The following PTPRK variants were observed in gnomAD, a reference collection of about 807,000 sequenced individuals.
The protein encoded by PTPRK is protein tyrosine phosphatase receptor type K.
PTPRK carries 75 observed loss-of-function variants against 178.0 expected under a neutral mutation model. The ratio of observed to expected loss-of-function variants is 0.42; its 90% CI spans 0.35 to 0.51. The LOEUF (loss-of-function observed/expected upper bound fraction) is 0.51, where lower values mean the gene tolerates loss of function less well. Among genes scored for constraint, PTPRK ranks in the 20% least tolerant of loss-of-function variants. The probability of loss-of-function intolerance (pLI) is 0.02; values close to 1 mark genes in which losing one functional copy is unlikely to be tolerated. For missense variants in PTPRK, 1,441 were observed against 1,797.8 expected (o/e 0.80, Z 3.59); for synonymous variants, 637 against 620.6 (o/e 1.03, Z -0.39).
At chr6:128,079,666 G>A (rs1001684495) in intron 10 of PTPRK, among the ~76,000 whole-genome samples, 8 of 151,986 alleles carry the variant, frequency 5.3e-5, no homozygotes, top group East Asian at 1.9e-4. Context: ...CTATCCATTC[G>A]TTGAACATTT....
chr6:128,084,796 A>C (rs1186750399), intron 8 of PTPRK: 1 of 152,240 alleles, frequency 6.6e-6, no homozygotes, highest in Admixed American at 6.5e-5. Context: ...TAAAATATAT[A>C]GTATCTATCC....
chr6:128,485,224 T>C (rs912017901), intron 1 of PTPRK, among the ~76,000 whole-genome samples: 3 of 152,210 alleles, frequency 2.0e-5, no homozygotes, highest in African/African-American at 7.2e-5. Flanking sequence ...TTTAGAACAG[T>C]TGGTTATATT....
intron 6 of PTPRK, among the ~76,000 whole-genome samples, chr6:128,212,226 T>C (rs541046692): frequency 2.0e-5 from 3 of 152,152 alleles, no homozygotes; most frequent in South Asian, 2.1e-4. Flanking sequence ...ACTGAGACTA[T>C]GTATGCGATT....
At chr6:128,091,743 C>A (rs1786994298) in intron 7 of PTPRK, among the ~76,000 whole-genome samples, 1 of 152,114 alleles carries the variant, frequency 6.6e-6, no homozygotes, top group African/African-American at 2.4e-5. Flanking sequence ...TTTTAACACA[C>A]CCCTCATTTT....
intron 25 of PTPRK, 73 bp from the exon 26 acceptor site, chr6:127,977,127 T>C: frequency 6.9e-7 from 1 of 1,456,682 alleles, no homozygotes; most frequent in Non-Finnish European, 9.6e-7. Context: ...ACAGATACAA[T>C]ACACTTCAAT....
At chr6:128,336,002 A>G (rs1375454028) in intron 2 of PTPRK, among the ~76,000 whole-genome samples, 2 of 152,240 alleles carry the variant, frequency 1.3e-5, no homozygotes, top group African/African-American at 4.8e-5. Flanking sequence ...CTGGTCAATT[A>G]TGAAATGCCA....
At chr6:128,078,752 G>T in intron 11 of PTPRK, 61 bp downstream of exon 11, 2 of 1,222,896 alleles carry the variant, frequency 1.6e-6, no homozygotes, top group South Asian at 1.3e-5. Flanking sequence ...GGCATACTTG[G>T]GCATCTTGGG....
intron 1 of PTPRK, among the ~76,000 whole-genome samples, chr6:128,421,068 C>A (rs1843421297): frequency 6.6e-6 from 1 of 152,106 alleles, no homozygotes; most frequent in Non-Finnish European, 1.5e-5. Context: ...CACAATCATT[C>A]TTTTCCATAT....
At chr6:128,247,528 A>C (rs188849631) in intron 3 of PTPRK, among the ~76,000 whole-genome samples, 1 of 152,284 alleles carries the variant, frequency 6.6e-6, no homozygotes, top group African/African-American at 2.4e-5. Flanking sequence ...CATGTTGGCT[A>C]GGCTGGTCTC....
At chr6:128,458,356 T>C (rs1848637391) in intron 1 of PTPRK, among the ~76,000 whole-genome samples, 1 of 152,154 alleles carries the variant, frequency 6.6e-6, no homozygotes, top group South Asian at 2.1e-4. Context: ...TATTATAAAA[T>C]AAGTTAATAA....
chr6:128,444,146 C>T (rs935965560), intron 1 of PTPRK, among the ~76,000 whole-genome samples: 8 of 152,140 alleles, frequency 5.3e-5, no homozygotes, highest in African/African-American at 9.7e-5. Context: ...CCAGCACTCC[C>T]AGCCTTCCTA....
At chr6:128,037,022 G>A (rs996270005) in intron 13 of PTPRK, among the ~76,000 whole-genome samples, 33 of 151,996 alleles carry the variant, frequency 2.2e-4, no homozygotes, top group African/African-American at 8.0e-4. Context: ...ACAAGCCGCC[G>A]CTCCCCGCCC....
intron 17 of PTPRK, 48 bp downstream of exon 17, chr6:127,996,853 T>C (rs1256867660): frequency 6.4e-7 from 1 of 1,572,492 alleles, no homozygotes; most frequent in African/African-American, 1.4e-5. Context: ...TTTAAAACCA[T>C]ATAAGCATAT....
At chr6:128,096,369 C>T (rs899100396) in intron 7 of PTPRK, among the ~76,000 whole-genome samples, 2 of 152,210 alleles carry the variant, frequency 1.3e-5, no homozygotes, top group Non-Finnish European at 2.9e-5. Context: ...TTCTAGATAA[C>T]AGATAAAAGG....
intron 7 of PTPRK, among the ~76,000 whole-genome samples, chr6:128,106,101 A>G (rs1789674592): frequency 1.3e-5 from 2 of 152,208 alleles, no homozygotes; most frequent in South Asian, 4.1e-4. Context: ...ATGAAATGAG[A>G]AAAACAAAAA....
chr6:128,010,351 C>T (rs968156805), intron 13 of PTPRK, among the ~76,000 whole-genome samples: 2 of 151,288 alleles, frequency 1.3e-5, no homozygotes, highest in Non-Finnish European at 3.0e-5. Flanking sequence ...ATGGTGTCCA[C>T]ATGAACAGAT....
At chr6:128,044,904 T>C (rs974117596) in intron 13 of PTPRK, among the ~76,000 whole-genome samples, 42 of 152,202 alleles carry the variant, frequency 2.8e-4, no homozygotes, top group African/African-American at 9.9e-4. Context: ...TGAAGTGATA[T>C]GTCTTGTTTA....
chr6:128,280,997 G>A (rs1347429925), intron 3 of PTPRK, among the ~76,000 whole-genome samples: 1 of 152,078 alleles, frequency 6.6e-6, no homozygotes, highest in Admixed American at 6.6e-5. Flanking sequence ...CTAGGTGATA[G>A]TGATTTCTTA....
chr6:128,439,439 T>C (rs979814486), intron 1 of PTPRK, among the ~76,000 whole-genome samples: 4 of 152,116 alleles, frequency 2.6e-5, no homozygotes, highest in Admixed American at 6.6e-5. Context: ...TTTGAAACAA[T>C]AATCCTTAGT....
Sources: gnomAD v4.1 joint callset for allele counts (sites outside exome capture counted in the v4.1 genomes callset) on GRCh38, gnomAD v4.1.1 for gene constraint, MANE v1.5 for transcripts, NCBI Gene and HGNC (gene_info 2026-07-23, HGNC 2026-07-21) for gene names.